Variants in ZNF536 observed in about 807,000 individuals in gnomAD.
The protein encoded by ZNF536 is zinc finger protein 536.
ZNF536 carries 13 observed loss-of-function variants against 84.5 expected under a neutral mutation model. The observed-to-expected ratio is 0.15, with a 90% confidence interval of 0.10 to 0.24. ZNF536 has a LOEUF of 0.24. Ranked by LOEUF, ZNF536 falls within the 10% of genes least tolerant of loss-of-function variation. The pLI, the probability that ZNF536 is intolerant of heterozygous loss-of-function variation, is 1.00. For missense variants in ZNF536, 1,536 were observed against 1,747.5 expected (o/e 0.88, Z 2.16); for synonymous variants, 811 against 742.5 (o/e 1.09, Z -1.50).
chr19:30,316,093 T>A (rs1382483286), intron 2 of ZNF536, among the ~76,000 whole-genome samples: 2 of 152,208 alleles, frequency 1.3e-5, no homozygotes, highest in African/African-American at 4.8e-5. Context: ...AAACACTGTA[T>A]CACGGTAAAC....
chr19:30,335,552 T>A (rs2047355934), intron 2 of ZNF536, among the ~76,000 whole-genome samples: 1 of 152,062 alleles, frequency 6.6e-6, no homozygotes, highest in South Asian at 2.1e-4. Flanking sequence ...GCGGTGGGTG[T>A]CTGGTCTCCT....
At chr19:30,536,071 CTT>C (rs2045065681) in intron 3 of ZNF536, among the ~76,000 whole-genome samples, 1 of 152,144 alleles carries the variant, frequency 6.6e-6, no homozygotes, top group South Asian at 2.1e-4. Flanking sequence ...GCATGCCTCT[CTT>C]GGAGTCATCT....
intron 1 of ZNF536, among the ~76,000 whole-genome samples, chr19:30,422,296 G>A (rs1369225302): frequency 6.6e-6 from 1 of 152,106 alleles, no homozygotes; most frequent in Non-Finnish European, 1.5e-5. Flanking sequence ...TGGATTCCAG[G>A]CCCAAGGAAG....
chr19:30,694,245 G>T (rs1267514775), intron 1 of ZNF536, among the ~76,000 whole-genome samples: 1 of 152,150 alleles, frequency 6.6e-6, no homozygotes, highest in East Asian at 1.9e-4. Flanking sequence ...CAATAAAACA[G>T]AAACTACAAT....
At chr19:30,493,001 C>CAGTCTGCCGCCAGCATTTTG (rs2054567236) in intron 2 of ZNF536, among the ~76,000 whole-genome samples, 1 of 151,578 alleles carries the variant, frequency 6.6e-6, no homozygotes, top group Non-Finnish European at 1.5e-5. Flanking sequence ...AAATAGCAGT[C>CAGTCTGCCGCCAGCATTTTG]AGTCTGCCGC....
At chr19:30,405,482 A>G (rs1219178077) in intron 1 of ZNF536, among the ~76,000 whole-genome samples, 1 of 152,066 alleles carries the variant, frequency 6.6e-6, no homozygotes, top group Non-Finnish European at 1.5e-5. Flanking sequence ...GATTCAACAG[A>G]ACCTTAGGAA....
At chr19:30,357,534 A>C (rs1312628087) in intron 3 of ZNF536, among the ~76,000 whole-genome samples, 1 of 151,896 alleles carries the variant, frequency 6.6e-6, no homozygotes, top group Non-Finnish European at 1.5e-5. Flanking sequence ...AGGTGCCAGG[A>C]ATGAGTGGCT....
upstream of ZNF536, among the ~76,000 whole-genome samples, chr19:30,368,095 TC>T (rs1330652297): frequency 6.6e-6 from 1 of 152,108 alleles, no homozygotes; most frequent in Admixed American, 6.6e-5. Flanking sequence ...CCTACTCCTG[TC>T]CCTCCTGGGT....
intron 2 of ZNF536, among the ~76,000 whole-genome samples, chr19:30,485,202 A>T (rs900339320): frequency 3.2e-4 from 49 of 151,612 alleles, no homozygotes; most frequent in African/African-American, 1.1e-3. Flanking sequence ...TAAAATAAAA[A>T]AAGGAAATCA....
At chr19:30,297,078 C>T (rs1239805683) in intron 2 of ZNF536, among the ~76,000 whole-genome samples, 1 of 152,204 alleles carries the variant, frequency 6.6e-6, no homozygotes, top group African/African-American at 2.4e-5. Context: ...TGCTGCTTCC[C>T]CTGTACCTAA....
At chr19:30,280,428 T>G (rs920602039) in intron 1 of ZNF536, among the ~76,000 whole-genome samples, 2 of 152,120 alleles carry the variant, frequency 1.3e-5, no homozygotes, top group Non-Finnish European at 2.9e-5. Context: ...TCCACCTAGG[T>G]CCTCTGACAG....
In ZNF536 at chr19:30,440,053, C is replaced by T. The variant is rs111855039; in HGVS notation, c.-2-3508C>T. On this transcript the variant is annotated intron_variant, in intron 1 of 4. Coordinates refer to ENST00000355537, the MANE Select transcript of ZNF536 (RefSeq NM_014717.3). Reference sequence around the variant, plus strand: ...TCAGCTCACTGGAACCTCCACTTCCCGGGTTCCAGTGATTCTCCTGCCTCA... The same window carrying T: ...TCAGCTCACTGGAACCTCCACTTCCTGGGTTCCAGTGATTCTCCTGCCTCA... Among the ~76,000 whole-genome samples, 435 of 149,762 alleles carry T rather than the reference C, an allele frequency of 2.9e-3. 1 individual carries two copies. Among genetic ancestry groups the T allele is most frequent in the Middle Eastern group, 6.9e-3 (2 of 290 alleles).
At chr19:30,229,546 C>G (rs11881148) in intron 1 of ZNF536, among the ~76,000 whole-genome samples, 4,815 of 151,988 alleles carry the variant, frequency 0.032, 250 homozygotes, top group African/African-American at 0.11. Context: ...GCTGCGCCCA[C>G]CACCCTGAAA....
intron 2 of ZNF536, among the ~76,000 whole-genome samples, chr19:30,322,331 G>T (rs1005351021): frequency 6.6e-6 from 1 of 152,118 alleles, no homozygotes; most frequent in African/African-American, 2.4e-5. Flanking sequence ...GATCATCTTT[G>T]TATGAAGAAG....
chr19:30,629,003 C>T (rs890620115), intron 1 of ZNF536, among the ~76,000 whole-genome samples: 1 of 151,982 alleles, frequency 6.6e-6, no homozygotes. Flanking sequence ...GCGCCTGGCC[C>T]AGGAGTCACT....
At chr19:30,242,761 G>A (rs1039089108) in intron 1 of ZNF536, among the ~76,000 whole-genome samples, 1 of 152,188 alleles carries the variant, frequency 6.6e-6, no homozygotes, top group Non-Finnish European at 1.5e-5. Flanking sequence ...TTGATTTGAT[G>A]TTGAACTTGA....
intron 1 of ZNF536, among the ~76,000 whole-genome samples, chr19:30,388,973 G>A (rs750534240): frequency 1.2e-4 from 18 of 152,200 alleles, no homozygotes; most frequent in Non-Finnish European, 2.9e-5. Flanking sequence ...AGCAAGTGTA[G>A]CCCCTTCAGG....
chr19:30,239,202 G>A (rs2144818536), intron 1 of ZNF536, among the ~76,000 whole-genome samples: 1 of 152,308 alleles, frequency 6.6e-6, no homozygotes, highest in South Asian at 2.1e-4. Context: ...TTGAAACCAA[G>A]ATGGGGTCCT....
chr19:30,522,276 T>TATATATATAC (rs1481466640), intron 2 of ZNF536, among the ~76,000 whole-genome samples: 3 of 139,542 alleles, frequency 2.1e-5, no homozygotes, highest in African/African-American at 5.2e-5. Flanking sequence ...TATATATACA[T>TATATATATAC]ATATATAATA....
Sources: gnomAD v4.1 joint callset for allele counts (sites outside exome capture counted in the v4.1 genomes callset) on GRCh38, gnomAD v4.1.1 for gene constraint, MANE v1.5 for transcripts, NCBI Gene and HGNC (gene_info 2026-07-23, HGNC 2026-07-21) for gene names.